NIPAL1: variants seen among roughly 807,000 people sequenced by gnomAD.
The protein encoded by NIPAL1 is NIPA like domain containing 1.
Under a neutral mutation model 37.7 loss-of-function variants are expected in NIPAL1, and 35 were observed. The observed-to-expected ratio is 0.93, with a 90% confidence interval of 0.71 to 1.23. NIPAL1 has a LOEUF of 1.23. NIPAL1 is among the 50% of genes most tolerant of loss of function. The pLI, the probability that NIPAL1 is intolerant of heterozygous loss-of-function variation, is 0.00. For missense variants in NIPAL1, 412 were observed against 473.9 expected (o/e 0.87, Z 1.21); for synonymous variants, 162 against 183.0 (o/e 0.89, Z 0.93).
intron 4 of NIPAL1, 147 bp downstream of exon 4, chr4:48,033,230 A>C: frequency 2.0e-6 from 1 of 508,980 alleles, no homozygotes. Flanking sequence ...ATGAACCCAA[A>C]TTATTTCTGA....
chr4:48,030,039 A>T (rs1208707034), intron 2 of NIPAL1, 81 bp from the exon 3 acceptor site: 1 of 788,014 alleles, frequency 1.3e-6, no homozygotes, highest in Non-Finnish European at 2.2e-6. Context: ...ATAATCCAGT[A>T]CGCTTCCTAG....
rs1043060025 is a variant in NIPAL1, at chr4:48,037,615, TAAGGA to T, written c.*1446_*1450del. The T allele has an allele frequency of 3.9e-5, 6 of 155,320 alleles. No homozygotes were observed. The highest frequency in any genetic ancestry group is 2.9e-5 in the Non-Finnish European group (2 of 70,034). 9.6% of individuals were successfully genotyped at this position (155,320 alleles called of 1,614,324 possible). On this transcript the variant is annotated 3_prime_UTR_variant, in exon 6 of 6. Transcript: ENST00000295461. The stretch of plus-strand genomic sequence containing the variant: ...TGAAATTTTGCACTTTCACCCTTAT[TAAGGA>T]AATTATAATTAGTTACTAACCTTTA...
intron 1 of NIPAL1, among the ~76,000 whole-genome samples, chr4:48,018,500 A>G (rs56677275): frequency 0.11 from 17,002 of 152,274 alleles, 1,274 homozygotes; most frequent in South Asian, 0.27. Flanking sequence ...AGGCTTTGGC[A>G]TCAGACAGTC....
Position 48,036,324 on chromosome 4 carries a change from C to A in NIPAL1, c.*152C>A. 1 of 649,378 alleles carries A rather than the reference C, an allele frequency of 1.5e-6. No individual in the cohort carries two copies. The highest frequency in any genetic ancestry group is 2.5e-6 in the Non-Finnish European group (1 of 393,316). 40.2% of individuals were successfully genotyped at this position (649,378 alleles called of 1,614,324 possible). ...CAAGTAAAAATGCCATTTTTTTGGC[C>A]ATTGAATTTGAAAATCAAATTGATT... On this transcript the variant is annotated 3_prime_UTR_variant, in exon 6 of 6. Transcript: ENST00000295461.
intron 1 of NIPAL1, among the ~76,000 whole-genome samples, chr4:48,022,068 T>G (rs1187572758): frequency 6.6e-6 from 1 of 152,166 alleles, no homozygotes; most frequent in Non-Finnish European, 1.5e-5. Flanking sequence ...GGAGTAGATG[T>G]TCTCTTTCTG....
Position 48,035,976 on chromosome 4 carries a change from C to G in NIPAL1, c.1037C>G (p.Thr346Ser), listed in dbSNP as rs768157903. 1.2e-6 allele frequency: 2 copies of G among 1,613,538 alleles called. No individual in the cohort carries two copies. The highest frequency in any genetic ancestry group is 2.7e-5 in the African/African-American group (2 of 74,910). ...DIIGTLSGFFTIIIGIFLLHA... is the reference protein window; with the variant it reads ...DIIGTLSGFFSIIIGIFLLHA... Reference sequence around the variant, plus strand: ...ATTGGGACCCTGAGTGGATTCTTCACTATTATCATTGGCATCTTCCTTCTA... The same window carrying G: ...ATTGGGACCCTGAGTGGATTCTTCAGTATTATCATTGGCATCTTCCTTCTA... The change falls in exon 6 of 6, where the codon ACT (threonine) becomes AGT (serine). Residue 346 changes from threonine (T) to serine (S), a missense_variant. Thr to Ser is a moderately conservative substitution (Grantham distance 58). Coordinates refer to ENST00000295461, the MANE Select transcript of NIPAL1 (RefSeq NM_207330.3).
In NIPAL1 at chr4:48,037,626, T is replaced by C. The variant is rs1398146788; in HGVS notation, c.*1454T>C. ...ACTTTCACCCTTATTAAGGAAATTATAATTAGTTACTAACCTTTAAAAATA... is the reference window on the plus strand; with the variant it reads ...ACTTTCACCCTTATTAAGGAAATTACAATTAGTTACTAACCTTTAAAAATA... On this transcript the variant is annotated 3_prime_UTR_variant, in exon 6 of 6. Transcript: ENST00000295461. The C allele has an allele frequency of 6.5e-6, 1 of 154,970 alleles. No individual in the cohort carries two copies. Among genetic ancestry groups the C allele is most frequent in the African/African-American group, 2.4e-5 (1 of 41,460 alleles). The allele number at this position is 154,970 out of a possible 1,614,324, so 9.6% of individuals were successfully genotyped here.
At position 48,034,921 on chromosome 4, in the gene NIPAL1, A is replaced by T; in HGVS notation, c.502A>T (p.Ile168Phe). The T allele has an allele frequency of 1.2e-6, 2 of 1,613,542 alleles. No individual in the cohort carries two copies. The highest frequency in any genetic ancestry group is 3.3e-4 in the Middle Eastern group (2 of 6,062). ...CTACTTTTTAAACGAGCACTTGAAC[A>T]TTCATGGGAAAATAGGCTGCATATT... ...SSYFLNEHLN[I>F]HGKIGCILSI... The change falls in exon 5 of 6, where the codon ATT becomes TTT. Residue 168 changes from isoleucine to phenylalanine, a missense_variant. By Grantham distance (21) the Ile-to-Phe change is conservative. Transcript: ENST00000295461.
chr4:48,037,308 CAT>C lies in NIPAL1; in HGVS notation c.*1138_*1139del, dbSNP rs1465055711. 1 of 419,314 alleles carries C rather than the reference CAT, an allele frequency of 2.4e-6. No individual in the cohort carries two copies. Among genetic ancestry groups the C allele is most frequent in the Non-Finnish European group, 4.7e-6 (1 of 211,302 alleles). The allele number at this position is 419,314 out of a possible 1,614,324, so 26.0% of individuals were successfully genotyped here. A position where few individuals can be genotyped will look rare whatever the true frequency, so the allele number is the denominator to read the frequency against. ...CATTAATTAACTCAGGTCTGGAAGA[CAT>C]AGGACAAAATGGAGTTTCTGAAGAA... is the stretch of plus-strand genomic sequence containing the variant. On this transcript the variant is annotated 3_prime_UTR_variant, in exon 6 of 6. Transcript: ENST00000295461.
chr4:48,017,681 T>C (rs968836519), intron 1 of NIPAL1, among the ~76,000 whole-genome samples: 8 of 151,610 alleles, frequency 5.3e-5, no homozygotes, highest in African/African-American at 1.5e-4. Context: ...CCGATAAAAG[T>C]AGGGAAGGGG....
rs1715926477 is a variant in NIPAL1, at chr4:48,036,010, T to A, written c.1071T>A (p.Phe357Leu). 6.2e-7 allele frequency: 1 copy of A among 1,613,314 alleles called. No homozygotes were observed. The change falls in exon 6 of 6, where the codon TTT becomes TTA. Residue 357 changes from phenylalanine to leucine, a missense_variant. Coordinates refer to ENST00000295461, the MANE Select transcript of NIPAL1 (RefSeq NM_207330.3). ...IIIGIFLLHA[F>L]KNTDITWSEL... ...TTGGCATCTTCCTTCTACATGCTTT[T>A]AAAAATACTGACATTACTTGGAGTG...
Position 48,035,682 on chromosome 4 carries a change from C to A in NIPAL1, c.743C>A (p.Ala248Glu), listed in dbSNP as rs1189115434. The A allele has an allele frequency of 1.2e-6, 2 of 1,613,720 alleles. No homozygotes were observed. The highest frequency in any genetic ancestry group is 2.7e-5 in the African/African-American group (2 of 74,842). Residue 248 changes from alanine to glutamate, a missense_variant, in exon 6 of 6, where the codon GCG (alanine) becomes GAG (glutamate). Transcript: ENST00000295461. ...ATTTCAATCTGTTCCTTGATTGGAG[C>A]GTTTTCAGTTTCTTCTGTGAAAGGC... ...VYISICSLIG[A>E]FSVSSVKGLG...
At position 48,038,441 on chromosome 4, in the gene NIPAL1, T is replaced by C. The variant is rs1716001377; in HGVS notation, c.*2269T>C. ...TGGGAGGATTTCTAGTCCCCAGGAG[T>C]TTGAGACCAGCCTGGGCAATAAACT... On this transcript the variant is annotated 3_prime_UTR_variant, in exon 6 of 6. Coordinates refer to ENST00000295461, the MANE Select transcript of NIPAL1 (RefSeq NM_207330.3). The C allele has an allele frequency of 6.6e-6, 1 of 151,848 alleles. No homozygotes were observed. Among genetic ancestry groups the C allele is most frequent in the African/African-American group, 2.4e-5 (1 of 41,296 alleles). 9.4% of individuals were successfully genotyped at this position (151,848 alleles called of 1,614,324 possible).
chr4:48,033,076 C>A lies in NIPAL1; in HGVS notation c.454C>A (p.Leu152Ile). The change falls in exon 4 of 6, where the codon CTC becomes ATC. Residue 152 changes from leucine (L) to isoleucine (I), a missense_variant. By Grantham distance (5) the Leu-to-Ile change is conservative. Transcript: ENST00000295461. ...CACCCCTCTGGGTGCTTTGAGTGTTCTCATAAGGTATGTGAGCAACAGGGA... is the reference window on the plus strand; with the variant it reads ...CACCCCTCTGGGTGCTTTGAGTGTTATCATAAGGTATGTGAGCAACAGGGA... ...LVTPLGALSVLISAILSSYFL... is the reference protein window; with the variant it reads ...LVTPLGALSVIISAILSSYFL... The A allele has an allele frequency of 6.2e-7, 1 of 1,609,232 alleles. No homozygotes were observed. Among genetic ancestry groups the A allele is most frequent in the South Asian group, 1.1e-5 (1 of 90,834 alleles).
rs960294424 is a variant in NIPAL1 at position 48,016,863 on chromosome 4, G to A, written c.24G>A (p.Pro8=). The A allele has an allele frequency of 1.3e-6, 2 of 1,592,544 alleles. No homozygotes were observed. Among genetic ancestry groups the A allele is most frequent in the South Asian group, 2.3e-5 (2 of 88,134 alleles). The change falls in exon 1 of 6, where the codon CCG becomes CCA. Residue 8 remains proline, a synonymous_variant. Coordinates refer to ENST00000295461, the MANE Select transcript of NIPAL1 (RefSeq NM_207330.3). MGAQVRL[P]PGEPCREGYV... ...CCATGGGGGCACAGGTGAGGCTGCC[G>A]CCCGGAGAGCCCTGCCGAGAAGGTT... is the stretch of plus-strand genomic sequence containing the variant.
At chr4:48,016,912 C>G in intron 1 of NIPAL1, 27 bp downstream of exon 1, 1 of 1,585,096 alleles carries the variant, frequency 6.3e-7, no homozygotes, top group Non-Finnish European at 8.6e-7. Context: ...AGCCGAGGGA[C>G]CTGGCAGCTG....
At position 48,025,151 on chromosome 4, in the gene NIPAL1, G is replaced by C. The variant is rs1715658739; in HGVS notation, c.130G>C (p.Val44Leu). The C allele has an allele frequency of 6.2e-7, 1 of 1,614,004 alleles. No individual in the cohort carries two copies. Among genetic ancestry groups the C allele is most frequent in the Admixed American group, 1.7e-5 (1 of 60,002 alleles). ...TGTGTCACAGCTGCTGGCTTCTCCT[G>C]TGCTCTACACGGACCTGAATTACAG... is the stretch of plus-strand genomic sequence containing the variant. ...TNVSQLLASPVLYTDLNYSIN... is the reference protein window; with the variant it reads ...TNVSQLLASPLLYTDLNYSIN... Residue 44 changes from valine (V) to leucine (L), a missense_variant, in exon 2 of 6, where the codon GTG (valine) becomes CTG (leucine). By Grantham distance (32) the Val-to-Leu change is conservative. Coordinates refer to ENST00000295461, the MANE Select transcript of NIPAL1 (RefSeq NM_207330.3).
In NIPAL1 at chr4:48,038,872, T is replaced by C. The variant is rs528571151; in HGVS notation, c.*2700T>C. The C allele has an allele frequency of 1.3e-5, 2 of 152,226 alleles. No homozygotes were observed. The highest frequency in any genetic ancestry group is 2.1e-4 in the South Asian group (1 of 4,814). 9.4% of individuals were successfully genotyped at this position (152,226 alleles called of 1,614,324 possible). ...CAAAGGTTCCCAAACACAAGGCTCA[T>C]TGTGTACCCTGGACAGGAAATTGAA... On this transcript the variant is annotated 3_prime_UTR_variant, in exon 6 of 6. Coordinates refer to ENST00000295461, the MANE Select transcript of NIPAL1 (RefSeq NM_207330.3).
intron 1 of NIPAL1, among the ~76,000 whole-genome samples, chr4:48,021,109 T>G (rs1329847973): frequency 6.6e-6 from 1 of 152,230 alleles, no homozygotes; most frequent in Admixed American, 6.5e-5. Flanking sequence ...ATTGGGTTAC[T>G]TGGCCCTGGT....
Sources: allele counts gnomAD v4.1 joint callset (sites outside exome capture counted in the v4.1 genomes callset), GRCh38; gene constraint gnomAD v4.1.1; transcripts MANE v1.5; gene names NCBI Gene and HGNC (gene_info 2026-07-23, HGNC 2026-07-21).